LOXHD1: variants seen among roughly 807,000 people sequenced by gnomAD.
LOXHD1 encodes lipoxygenase homology PLAT domains 1.
Under a neutral mutation model 248.2 loss-of-function variants are expected in LOXHD1, and 205 were observed. The observed-to-expected ratio is 0.83, with a 90% CI of 0.74 to 0.93. The LOEUF is 0.93. Among genes scored for constraint, LOXHD1 ranks in the 40% least tolerant of loss-of-function variants. LOXHD1 has a pLI of 0.00. For missense variants in LOXHD1, 2,930 were observed against 2,971.6 expected (o/e 0.99, Z 0.33); for synonymous variants, 1,113 against 1,162.8 (o/e 0.96, Z 0.87).
At chr18:46,581,362 T>C (rs2037958251) in intron 12 of LOXHD1, among the ~76,000 whole-genome samples, 2 of 152,184 alleles carry the variant, frequency 1.3e-5, no homozygotes, top group South Asian at 4.1e-4. Context: ...TCCCAGGTTT[T>C]TGGCTTGGGC....
chr18:46,608,590 C>G (rs2038458068), intron 6 of LOXHD1, among the ~76,000 whole-genome samples: 1 of 152,174 alleles, frequency 6.6e-6, no homozygotes, highest in African/African-American at 2.4e-5. Context: ...GCCTCCTCTC[C>G]CCGCTTTGCC....
chr18:46,637,601 C>A (rs1362881316), intron 4 of LOXHD1, among the ~76,000 whole-genome samples: 2 of 151,906 alleles, frequency 1.3e-5, no homozygotes, highest in African/African-American at 4.8e-5. Flanking sequence ...GCAAAAAATT[C>A]TTTCTCTCTC....
At chr18:46,631,182 G>T (rs74955817) in intron 4 of LOXHD1, among the ~76,000 whole-genome samples, 1 of 152,284 alleles carries the variant, frequency 6.6e-6, no homozygotes, top group African/African-American at 2.4e-5. Flanking sequence ...GGAGGAGACC[G>T]CAGTGTTACC....
intron 21 of LOXHD1, among the ~76,000 whole-genome samples, chr18:46,552,786 T>C (rs1286589029): frequency 6.6e-6 from 1 of 152,204 alleles, no homozygotes; most frequent in Non-Finnish European, 1.5e-5. Context: ...TGGCTTTGGA[T>C]GCCCTCATCT....
chr18:46,567,432 A>G (rs1284857257), intron 16 of LOXHD1, among the ~76,000 whole-genome samples: 1 of 152,254 alleles, frequency 6.6e-6, no homozygotes, highest in Non-Finnish European at 1.5e-5. Flanking sequence ...TGGAATTATC[A>G]GAAGAAAACC....
At position 46,572,142 on chromosome 18, in the gene LOXHD1, T is replaced by C. The variant is rs1162965027; in HGVS notation, c.1991A>G (p.Asp664Gly). 5.8e-6 allele frequency: 9 copies of C among 1,551,860 alleles called. No homozygotes were observed. Among genetic ancestry groups the C allele is most frequent in the East Asian group, 2.4e-5 (1 of 40,916 alleles). The change falls in exon 15 of 41, where the codon GAT becomes GGT. Residue 664 changes from aspartate to glycine, a missense_variant. Asp to Gly is a moderately conservative substitution (Grantham distance 94). Transcript: ENST00000642948. ...CAACTCTCGGACCAGCTGCCCATCA[T>C]CCTTATCCTTGTCCAACCACCTGGT... ...PCLRWLDKDK[D>G]DGQLVRELLP...
intron 6 of LOXHD1, among the ~76,000 whole-genome samples, chr18:46,605,638 A>C (rs2038402217): frequency 6.6e-6 from 1 of 152,242 alleles, no homozygotes; most frequent in Non-Finnish European, 1.5e-5. Context: ...CCATCACATC[A>C]GGGCAGAGCT....
At chr18:46,533,834 G>A (rs912046658) in intron 27 of LOXHD1, 11 of 195,992 alleles carry the variant, frequency 5.6e-5, no homozygotes, top group Admixed American at 3.3e-4. Flanking sequence ...GCTGAGGCGG[G>A]AGAATTGCTT....
At chr18:46,551,981 C>T (rs557354102) in intron 21 of LOXHD1, among the ~76,000 whole-genome samples, 3 of 152,180 alleles carry the variant, frequency 2.0e-5, no homozygotes, top group Admixed American at 6.5e-5. Flanking sequence ...GATTCCATTT[C>T]TATGAGGTCC....
intron 22 of LOXHD1, among the ~76,000 whole-genome samples, chr18:46,546,390 A>ATCCACTCCACTCCATTCTACTCCAC (rs2036832794): frequency 7.7e-6 from 1 of 129,694 alleles, no homozygotes; most frequent in Admixed American, 7.5e-5. Context: ...TTCCATTCCA[A>ATCCACTCCACTCCATTCTACTCCAC]TCCACTCCAC....
rs748802545 is a variant in LOXHD1 at position 46,618,250 on chromosome 18, A to G, written c.552T>C (p.Ile184=). ...AGACATCAGCATCTGTCCCTGCACCAATTACATCACCAGTGTATACCTTGA... is the reference window on the plus strand; with the variant it reads ...AGACATCAGCATCTGTCCCTGCACCGATTACATCACCAGTGTATACCTTGA... ...YEVKVYTGDV[I]GAGTDADVFI... Residue 184 remains isoleucine, a synonymous_variant, in exon 5 of 41, where the codon ATT becomes ATC. Coordinates refer to ENST00000642948, the MANE Select transcript of LOXHD1 (RefSeq NM_001384474.1). The G allele has an allele frequency of 7.1e-6, 11 of 1,551,546 alleles. No individual in the cohort carries two copies. Among genetic ancestry groups the G allele is most frequent in the Non-Finnish European group, 9.6e-6 (11 of 1,146,862 alleles).
chr18:46,622,380 T>C (rs1409509968), intron 4 of LOXHD1, among the ~76,000 whole-genome samples: 1 of 152,238 alleles, frequency 6.6e-6, no homozygotes, highest in Non-Finnish European at 1.5e-5. Context: ...AAAATATTAC[T>C]TTTTAAAAAA....
intron 4 of LOXHD1, among the ~76,000 whole-genome samples, chr18:46,634,054 A>G (rs1346532345): frequency 2.0e-5 from 3 of 152,272 alleles, no homozygotes; most frequent in Admixed American, 2.0e-4. Flanking sequence ...TCAAAATTAC[A>G]TATAATACCC....
intron 33 of LOXHD1, among the ~76,000 whole-genome samples, chr18:46,519,846 A>G (rs1437907242): frequency 3.3e-5 from 5 of 152,212 alleles, no homozygotes; most frequent in Non-Finnish European, 7.3e-5. Flanking sequence ...GTCTGATACC[A>G]GGTGTCCTGG....
chr18:46,516,686 CCAT>C (rs1446881917), intron 34 of LOXHD1, among the ~76,000 whole-genome samples: 2 of 152,048 alleles, frequency 1.3e-5, no homozygotes, highest in Admixed American at 6.6e-5. Flanking sequence ...ATCATCCCTA[CCAT>C]CATCACCTTC....
chr18:46,564,105 T>A (rs868598628), intron 17 of LOXHD1, among the ~76,000 whole-genome samples: 3,049 of 152,204 alleles, frequency 0.02, 47 homozygotes, highest in Middle Eastern at 0.051. Flanking sequence ...TGTGTGTGTG[T>A]GTGTGTGTGT....
intron 21 of LOXHD1, among the ~76,000 whole-genome samples, chr18:46,553,397 G>A (rs1245598419): frequency 2.0e-5 from 3 of 152,282 alleles, no homozygotes; most frequent in East Asian, 1.9e-4. Flanking sequence ...ACATAACAGT[G>A]GAAGAGAAAG....
intron 2 of LOXHD1, among the ~76,000 whole-genome samples, chr18:46,647,108 C>A (rs2039040986): frequency 6.6e-6 from 1 of 152,240 alleles, no homozygotes; most frequent in Admixed American, 6.5e-5. Context: ...TACCACCAGT[C>A]TCTGGGGCCA....
At chr18:46,643,004 G>A (rs190101752) in intron 2 of LOXHD1, among the ~76,000 whole-genome samples, 29 of 152,292 alleles carry the variant, frequency 1.9e-4, no homozygotes, top group African/African-American at 6.7e-4. Flanking sequence ...CACCATCGAC[G>A]TCTTTTAAAA....
Sources: gnomAD v4.1 joint callset for allele counts (sites outside exome capture counted in the v4.1 genomes callset) on GRCh38, gnomAD v4.1.1 for gene constraint, MANE v1.5 for transcripts, NCBI Gene and HGNC (gene_info 2026-07-23, HGNC 2026-07-21) for gene names.